CD163: variants seen among roughly 807,000 people sequenced by gnomAD.
CD163 encodes the protein CD163 molecule.
CD163 carries 64 observed loss-of-function variants against 129.2 expected under a neutral mutation model. The observed-to-expected ratio is 0.50, with a 90% confidence interval of 0.41 to 0.61. The LOEUF (loss-of-function observed/expected upper bound fraction) is 0.61. CD163 is among the 20% of genes least tolerant of loss of function. The pLI is 0.00. For synonymous variants in CD163, 446 were observed against 478.5 expected (o/e 0.93, Z 0.89); for missense variants, 1,061 against 1,377.9 (o/e 0.77, Z 3.64).
chr12:7,482,916 T>C, intron 13 of CD163, 50 bp downstream of exon 13: 1 of 1,598,786 alleles, frequency 6.3e-7, no homozygotes, highest in South Asian at 1.1e-5. Context: ...ACAAGAAAAA[T>C]TCTATGTATG....
chr12:7,482,583 C>T (rs992080208), intron 14 of CD163, 60 bp downstream of exon 14: 11 of 1,567,480 alleles, frequency 7.0e-6, no homozygotes, highest in African/African-American at 4.1e-5. Flanking sequence ...CTAATATTTT[C>T]GTCTTACAAG....
chr12:7,499,277 T>C, intron 3 of CD163, 89 bp from the exon 4 acceptor site: 1 of 1,141,604 alleles, frequency 8.8e-7, no homozygotes, highest in African/African-American at 1.5e-5. Flanking sequence ...CTTGGGATTT[T>C]ATGTTGTCCT....
chr12:7,481,739 A>G (rs1403510889), intron 14 of CD163, among the ~76,000 whole-genome samples: 1 of 152,184 alleles, frequency 6.6e-6, no homozygotes, highest in Non-Finnish European at 1.5e-5. Context: ...TTTAATGACT[A>G]TGAATCTTAT....
chr12:7,496,667 A>G lies in CD163; in HGVS notation c.1099+146T>C, dbSNP rs111848013. On this transcript the variant is annotated intron_variant, in intron 5 of 16. Coordinates refer to ENST00000432237, the MANE Select transcript of CD163 (RefSeq NM_203416.4). This position sits in a 1 kb window ranked among gnomAD's most constrained non-coding sequence, Gnocchi z 4.8. ...TTGAATAAAGAATGTGTCAAAGATT[A>G]CAGGTATAAAGGAATTCCCAGCAAG... 572 of 657,244 alleles carry G rather than the reference A, an allele frequency of 8.7e-4. No individual in the cohort carries two copies. Among genetic ancestry groups the G allele is most frequent in the African/African-American group, 8.2e-3 (448 of 54,910 alleles). 40.7% of individuals were successfully genotyped at this position (657,244 alleles called of 1,614,324 possible).
At chr12:7,479,980 T>C in intron 15 of CD163, 67 bp from the exon 16 acceptor site, 1 of 1,610,092 alleles carries the variant, frequency 6.2e-7, no homozygotes, top group Non-Finnish European at 8.5e-7. Context: ...TGAAATCAGC[T>C]GACTCATGGG....
At chr12:7,480,732 T>C in intron 15 of CD163, 2 of 313,634 alleles carry the variant, frequency 6.4e-6, no homozygotes, top group Non-Finnish European at 9.3e-6. Context: ...AGATGATGGG[T>C]GTGTTCATTT....
chr12:7,487,541 T>C lies in CD163; in HGVS notation c.1868A>G (p.Gln623Arg), dbSNP rs750161945. The change falls in exon 8 of 17, where the codon CAG becomes CGG. Residue 623 changes from glutamine (Q) to arginine (R), a missense_variant. Transcript: ENST00000432237. This position sits in a 1 kb window ranked among gnomAD's most constrained non-coding sequence, Gnocchi z 5.1. ...DIEDAHVLCQ[Q>R]LKCGVALSTP... ...AGAAAGGGCAACTCCACATTTAAGC[T>C]GCTGGCAAAGAACATGGGCATCTTC... The C allele has an allele frequency of 1.2e-6, 2 of 1,614,132 alleles. No homozygotes were observed. The highest frequency in any genetic ancestry group is 8.5e-7 in the Non-Finnish European group (1 of 1,180,022).
chr12:7,488,328 T>G (rs998223083), intron 6 of CD163, among the ~76,000 whole-genome samples: 1 of 152,098 alleles, frequency 6.6e-6, no homozygotes, highest in Non-Finnish European at 1.5e-5. Context: ...CAGCCAACCA[T>G]CCCCAAAGGC....
chr12:7,479,915 T>G lies in CD163; in HGVS notation c.3344-2A>C. ...TTCAGTGTGGCTCAGAATGGCCTCC[T>G]TTTCCATTCCAGAAATAGGAAGAAA... On this transcript the variant is annotated splice_acceptor_variant, in intron 15 of 16. Coordinates refer to ENST00000432237, the MANE Select transcript of CD163 (RefSeq NM_203416.4). LOFTEE classifies it high-confidence loss of function. 2 of 1,612,796 alleles carry G rather than the reference T, an allele frequency of 1.2e-6. No individual in the cohort carries two copies. Among genetic ancestry groups the G allele is most frequent in the Non-Finnish European group, 1.7e-6 (2 of 1,179,328 alleles).
chr12:7,479,343 A>C (rs2136691136), intron 16 of CD163, among the ~76,000 whole-genome samples: 1 of 152,280 alleles, frequency 6.6e-6, no homozygotes, highest in South Asian at 2.1e-4. Flanking sequence ...AACTTCTTAT[A>C]GTTCCCTAAA....
At position 7,497,025 on chromosome 12, in the gene CD163, T is replaced by A. The variant is rs1468005933; in HGVS notation, c.887A>T (p.Asp296Val). 1 of 1,614,086 alleles carries A rather than the reference T, an allele frequency of 6.2e-7. No individual in the cohort carries two copies. The highest frequency in any genetic ancestry group is 1.7e-5 in the Admixed American group (1 of 60,020). Reference sequence around the variant, plus strand: ...GCATGCCACAGCAGCATCGTAACTGTCCCAGCCGTCATCACATATTGTCCC... The same window carrying A: ...GCATGCCACAGCAGCATCGTAACTGACCCAGCCGTCATCACATATTGTCCC... ...EWGTICDDGW[D>V]SYDAAVACKQ... is the part of the protein sequence containing the mutation. The change falls in exon 5 of 17, where the codon GAC (aspartate) becomes GTC (valine). Residue 296 changes from aspartate (D) to valine (V), a missense_variant. By Grantham distance (152) the Asp-to-Val change is radical (BLOSUM62 -3). Coordinates refer to ENST00000432237, the MANE Select transcript of CD163 (RefSeq NM_203416.4).
chr12:7,503,259 C>T (rs1032382268), intron 1 of CD163, among the ~76,000 whole-genome samples: 5 of 152,188 alleles, frequency 3.3e-5, no homozygotes, highest in African/African-American at 9.6e-5. Context: ...ATGATTTTAA[C>T]ATGTCCAAAT....
chr12:7,479,653 A>G (rs1949135173), intron 16 of CD163, among the ~76,000 whole-genome samples: 1 of 152,162 alleles, frequency 6.6e-6, no homozygotes, highest in Admixed American at 6.6e-5. Context: ...TGTTATTACT[A>G]TTTGTGTGTA....
At chr12:7,483,303 A>G (rs986972938) in intron 12 of CD163, 64 bp downstream of exon 12, 6 of 1,491,990 alleles carry the variant, frequency 4.0e-6, no homozygotes, top group Admixed American at 1.8e-5. Flanking sequence ...CACAACACAC[A>G]TCACTGCCCA....
At chr12:7,477,439 AT>A (rs1949102443) in intron 16 of CD163, among the ~76,000 whole-genome samples, 1 of 152,178 alleles carries the variant, frequency 6.6e-6, no homozygotes, top group African/African-American at 2.4e-5. Flanking sequence ...CTTTGCAGGG[AT>A]ATGGATGAAG....
At chr12:7,482,590 C>T in intron 14 of CD163, 53 bp downstream of exon 14, 1 of 1,587,598 alleles carries the variant, frequency 6.3e-7, no homozygotes, top group East Asian at 2.2e-5. Flanking sequence ...TTTCGTCTTA[C>T]AAGAACCCCC....
In CD163 at chr12:7,496,674, T is replaced by C; in HGVS notation, c.1099+139A>G. Reference sequence around the variant, plus strand: ...AAGAATGTGTCAAAGATTACAGGTATAAAGGAATTCCCAGCAAGGAATTTA... The same window carrying C: ...AAGAATGTGTCAAAGATTACAGGTACAAAGGAATTCCCAGCAAGGAATTTA... On this transcript the variant is annotated intron_variant, in intron 5 of 16. Transcript: ENST00000432237. The surrounding 1 kb of genome is among the most constrained non-coding windows in gnomAD (Gnocchi z 4.8). 1 of 686,382 alleles carries C rather than the reference T, an allele frequency of 1.5e-6. No homozygotes were observed. Among genetic ancestry groups the C allele is most frequent in the Non-Finnish European group, 2.5e-6 (1 of 400,172 alleles). 42.5% of individuals were successfully genotyped at this position (686,382 alleles called of 1,614,324 possible).
chr12:7,482,904 A>G (rs930005017), intron 13 of CD163, 62 bp downstream of exon 13: 3 of 1,595,998 alleles, frequency 1.9e-6, no homozygotes, highest in Non-Finnish European at 8.6e-7. Context: ...TAAAATTTCT[A>G]AACAAGAAAA....
At chr12:7,490,408 A>G (rs1236066782) in intron 6 of CD163, among the ~76,000 whole-genome samples, 2 of 152,066 alleles carry the variant, frequency 1.3e-5, no homozygotes, top group Non-Finnish European at 1.5e-5. Context: ...TAAGAAACAC[A>G]ATCATCAAGA....
Sources: allele counts gnomAD v4.1 joint callset (sites outside exome capture counted in the v4.1 genomes callset), GRCh38; gene constraint gnomAD v4.1.1; non-coding constraint Gnocchi (gnomAD v3.1); transcripts MANE v1.5; gene names NCBI Gene and HGNC (gene_info 2026-07-23, HGNC 2026-07-21).